The following FRMD4A variants were observed in gnomAD, a reference collection of about 807,000 sequenced individuals.
FRMD4A encodes FERM domain-containing protein 4A.
In FRMD4A, 29 loss-of-function variants were observed where a neutral mutation model predicts 129.1. That is an observed-to-expected ratio of 0.22 (90% confidence interval 0.17 to 0.31). The LOEUF (loss-of-function observed/expected upper bound fraction) is 0.31, where lower values mean the gene tolerates loss of function less well. FRMD4A is among the 10% of genes least tolerant of loss of function. The pLI, the probability that FRMD4A is intolerant of heterozygous loss-of-function variation, is 1.00. For synonymous variants in FRMD4A, 634 were observed against 571.6 expected (o/e 1.11, Z -1.56); for missense variants, 1,272 against 1,375.8 (o/e 0.92, Z 1.19).
intron 14 of FRMD4A, among the ~76,000 whole-genome samples, chr10:13,700,599 G>C (rs1252412411): frequency 6.6e-6 from 1 of 152,152 alleles, no homozygotes; most frequent in Admixed American, 6.5e-5. Context: ...GAATGGGAGT[G>C]GCTTGTGGGG....
chr10:13,949,076 T>C (rs2095353808), intron 2 of FRMD4A, among the ~76,000 whole-genome samples: 1 of 152,188 alleles, frequency 6.6e-6, no homozygotes, highest in African/African-American at 2.4e-5. Flanking sequence ...TGGAGTTTGT[T>C]TATTTTCATT....
chr10:14,042,591 C>A (rs1261493157), intron 2 of FRMD4A, among the ~76,000 whole-genome samples: 1 of 152,134 alleles, frequency 6.6e-6, no homozygotes, highest in African/African-American at 2.4e-5. Context: ...GCATTTCAAA[C>A]AACTTTGTGG....
intron 2 of FRMD4A, among the ~76,000 whole-genome samples, chr10:14,171,937 C>CT (rs1273498333): frequency 2.0e-5 from 3 of 152,194 alleles, no homozygotes; most frequent in Non-Finnish European, 2.9e-5. Context: ...TGGCAACCAC[C>CT]TTGTCACGGA....
chr10:14,039,455 AATCTATCTATCTATCTATCTATCTATCT>A (rs71388152), intron 2 of FRMD4A, among the ~76,000 whole-genome samples: 4 of 64,588 alleles, frequency 6.2e-5, no homozygotes, highest in East Asian at 2.9e-4. Flanking sequence ...AAAATCAATC[AATCTATCTATCTATCTATCTATCTATCT>A]ATCTATCTAT....
intron 6 of FRMD4A, among the ~76,000 whole-genome samples, chr10:13,765,101 A>ATTTTTTTT (rs10708906): frequency 4.0e-5 from 5 of 125,278 alleles, no homozygotes; most frequent in Non-Finnish European, 3.3e-5. Context: ...TCAAGGATTG[A>ATTTTTTTT]TTTTTTTTTT....
intron 2 of FRMD4A, among the ~76,000 whole-genome samples, chr10:13,944,760 T>C (rs759901302): frequency 6.6e-5 from 10 of 152,232 alleles, no homozygotes; most frequent in Non-Finnish European, 1.0e-4. Flanking sequence ...TGAAAGTTCC[T>C]TCCGTAAAAA....
chr10:13,962,576 T>C (rs72774682), intron 2 of FRMD4A, among the ~76,000 whole-genome samples: 9,598 of 152,212 alleles, frequency 0.063, 471 homozygotes, highest in African/African-American at 0.13. Context: ...CGATTCCTGA[T>C]CATCTCCACC....
chr10:14,325,029 A>G (rs35974096), intron 2 of FRMD4A, among the ~76,000 whole-genome samples: 7,314 of 152,276 alleles, frequency 0.048, 230 homozygotes, highest in Non-Finnish European at 0.071. Flanking sequence ...CTGGACCCCA[A>G]CTTCACCATA....
chr10:14,141,549 T>C (rs11258895), intron 2 of FRMD4A, among the ~76,000 whole-genome samples: 72,980 of 151,494 alleles, frequency 0.48, 17,930 homozygotes, highest in African/African-American at 0.59. Flanking sequence ...GTACATCACA[T>C]TGCTCCACCT....
chr10:13,825,103 C>A lies in FRMD4A; in HGVS notation c.112-14195G>T, dbSNP rs144919412. On this transcript the variant is annotated intron_variant, in intron 3 of 24. Transcript: ENST00000357447. ...TGCTTTTTGTCCTATACATACATAC[C>A]TATGATAAAGTGTAATTTTTAAAGT... Among the ~76,000 whole-genome samples the A allele has an allele frequency of 3.6e-3, 541 of 152,108 alleles. 3 individuals are homozygous for A. The highest frequency in any genetic ancestry group is 6.8e-3 in the Middle Eastern group (2 of 294).
At chr10:13,711,005 C>T (rs752967271) in intron 12 of FRMD4A, among the ~76,000 whole-genome samples, 6 of 152,094 alleles carry the variant, frequency 3.9e-5, no homozygotes, top group Non-Finnish European at 7.4e-5. Context: ...CACAGCAAGG[C>T]TCCTTCTTAA....
chr10:14,110,125 T>TTAAAAAATAAAAA (rs372420987), intron 2 of FRMD4A, among the ~76,000 whole-genome samples: 1 of 89,520 alleles, frequency 1.1e-5, no homozygotes, highest in African/African-American at 4.7e-5. Flanking sequence ...CGAGATGCTG[T>TTAAAAAATAAAAA]AAAAAAAAAA....
At chr10:13,773,593 T>C (rs1588650573) in intron 6 of FRMD4A, among the ~76,000 whole-genome samples, 1 of 152,372 alleles carries the variant, frequency 6.6e-6, no homozygotes, top group East Asian at 1.9e-4. Flanking sequence ...AGCTGTAAGA[T>C]GTATAATTTG....
chr10:13,879,102 A>G (rs2094520117), intron 2 of FRMD4A, among the ~76,000 whole-genome samples: 2 of 152,212 alleles, frequency 1.3e-5, no homozygotes, highest in South Asian at 4.1e-4. Context: ...AGCATAGTTT[A>G]TTGTATGTCA....
intron 2 of FRMD4A, among the ~76,000 whole-genome samples, chr10:13,872,461 G>A (rs2094448486): frequency 6.6e-6 from 1 of 152,242 alleles, no homozygotes; most frequent in African/African-American, 2.4e-5. Context: ...GCAGATGTAA[G>A]AAATACAGGA....
Position 13,782,970 on chromosome 10 carries a change from A to G in FRMD4A, c.336T>C (p.Asn112=). 1 of 1,511,496 alleles carries G rather than the reference A, an allele frequency of 6.6e-7. No homozygotes were observed. The highest frequency in any genetic ancestry group is 1.1e-5 in the South Asian group (1 of 88,992). 93.6% of individuals were successfully genotyped at this position (1,511,496 alleles called of 1,614,324 possible). Residue 112 remains asparagine (N), a synonymous_variant, in exon 6 of 25, where the codon AAT becomes AAC. Transcript: ENST00000357447. ...TCAGAAAGAAAAGCTCAATGGTAGC[A>G]TTATCCTTCAGGTATGAAATGCTTT... ...YIESISYLKD[N]ATIELFFLNA... is the part of the protein sequence containing the mutation.
chr10:13,679,474 TACACACACACACAC>T (rs59818032), intron 15 of FRMD4A, among the ~76,000 whole-genome samples: 1 of 31,490 alleles, frequency 3.2e-5, no homozygotes, highest in African/African-American at 1.3e-4. Context: ...TATATATATA[TACACACACACACAC>T]ACACACACAC....
intron 6 of FRMD4A, among the ~76,000 whole-genome samples, chr10:13,763,078 G>C (rs2092140219): frequency 6.6e-6 from 1 of 152,126 alleles, no homozygotes; most frequent in Non-Finnish European, 1.5e-5. Flanking sequence ...ACCACACCCT[G>C]AATTATTCAG....
chr10:13,832,371 G>T (rs1321277453), intron 3 of FRMD4A, among the ~76,000 whole-genome samples: 1 of 152,132 alleles, frequency 6.6e-6, no homozygotes, highest in Non-Finnish European at 1.5e-5. Flanking sequence ...AGAGTGAGAG[G>T]TTTCAGAACA....
Sources: allele counts gnomAD v4.1 joint callset (sites outside exome capture counted in the v4.1 genomes callset), GRCh38; gene constraint gnomAD v4.1.1; transcripts MANE v1.5; gene names NCBI Gene and HGNC (gene_info 2026-07-23, HGNC 2026-07-21).